Variants in PTPRD observed in about 807,000 individuals in gnomAD.
PTPRD encodes the protein receptor-type tyrosine-protein phosphatase delta.
In PTPRD, 34 loss-of-function variants were observed where a neutral mutation model predicts 214.5. The ratio of observed to expected loss-of-function variants is 0.16; its 90% CI spans 0.12 to 0.21. PTPRD has a LOEUF of 0.21. PTPRD is among the 10% of genes least tolerant of loss of function. PTPRD has a pLI of 1.00. For synonymous variants in PTPRD, 1,128 were observed against 845.7 expected (o/e 1.33, Z -5.79); for missense variants, 2,545 against 2,398.7 (o/e 1.06, Z -1.27).
intron 39 of PTPRD, among the ~76,000 whole-genome samples, chr9:8,344,298 T>C (rs1365089607): frequency 4.6e-5 from 7 of 152,056 alleles, no homozygotes; most frequent in Admixed American, 4.6e-4. Flanking sequence ...TTCTAGATAA[T>C]GGCAGGACTA....
At chr9:9,890,717 T>C (rs1480717197) in intron 5 of PTPRD, among the ~76,000 whole-genome samples, 1 of 151,964 alleles carries the variant, frequency 6.6e-6, no homozygotes, top group African/African-American at 2.4e-5. Flanking sequence ...AGGAAGTTAC[T>C]GGTGCCATTT....
chr9:8,757,093 G>T (rs2094048169), intron 11 of PTPRD, among the ~76,000 whole-genome samples: 1 of 152,196 alleles, frequency 6.6e-6, no homozygotes, highest in South Asian at 2.1e-4. Context: ...AACAAGCCAA[G>T]ATCGTGCCAG....
intron 3 of PTPRD, among the ~76,000 whole-genome samples, chr9:10,159,738 TAGTAAC>T (rs1183627360): frequency 1.3e-5 from 2 of 151,812 alleles, no homozygotes; most frequent in African/African-American, 4.8e-5. Context: ...TAGAGGCTCT[TAGTAAC>T]AGAATGGATC....
In PTPRD at chr9:8,997,567, T is replaced by C. The variant is rs2154352504; in HGVS notation, c.-104+21130A>G. On this transcript the variant is annotated intron_variant, in intron 11 of 45. Coordinates refer to ENST00000381196, the MANE Select transcript of PTPRD (RefSeq NM_002839.4). ...TCCACCAACCGGCCATTCTCCCATC[T>C]CTCTGCCTCTTCTTGCACCTCCCTG... 2.0e-5 allele frequency among the ~76,000 whole-genome samples: 3 copies of C among 152,146 alleles called. 1 individual carries two copies. In the South Asian group the frequency reaches 6.2e-4, roughly 32 times the overall value.
At chr9:9,262,324 G>A (rs568307714) in intron 9 of PTPRD, among the ~76,000 whole-genome samples, 1 of 149,994 alleles carries the variant, frequency 6.7e-6, no homozygotes, top group South Asian at 2.1e-4. Context: ...ATTTAATCTG[G>A]TATGCTAAAA....
chr9:9,947,187 A>G (rs572168394), intron 4 of PTPRD, among the ~76,000 whole-genome samples: 2 of 146,196 alleles, frequency 1.4e-5, no homozygotes, highest in Non-Finnish European at 3.0e-5. Flanking sequence ...GTTCAGCTAT[A>G]CAGATACTCT....
intron 3 of PTPRD, among the ~76,000 whole-genome samples, chr9:10,171,562 T>C (rs1035909667): frequency 6.6e-6 from 1 of 152,198 alleles, no homozygotes. Flanking sequence ...TCTCGCTCTG[T>C]CTCCCAGCCT....
intron 3 of PTPRD, among the ~76,000 whole-genome samples, chr9:10,070,510 C>T (rs1385533332): frequency 1.3e-5 from 2 of 151,720 alleles, no homozygotes; most frequent in Non-Finnish European, 2.9e-5. Flanking sequence ...AGAAATGCTG[C>T]AACAGAAAGT....
chr9:9,527,901 C>A (rs545745318), intron 8 of PTPRD, among the ~76,000 whole-genome samples: 35 of 152,326 alleles, frequency 2.3e-4, no homozygotes, highest in African/African-American at 8.2e-4. Flanking sequence ...AAAGACTCTT[C>A]TGCCTTAAGC....
intron 2 of PTPRD, among the ~76,000 whole-genome samples, chr9:10,491,478 T>C (rs2040211911): frequency 6.6e-6 from 1 of 152,064 alleles, no homozygotes; most frequent in African/African-American, 2.4e-5. Flanking sequence ...AATATCAATA[T>C]GGAATCTTTA....
intron 5 of PTPRD, among the ~76,000 whole-genome samples, chr9:9,921,090 G>T (rs532218618): frequency 6.6e-6 from 1 of 152,072 alleles, no homozygotes; most frequent in South Asian, 2.1e-4. Context: ...GTTTATTTTT[G>T]ACTGCTTTTA....
intron 3 of PTPRD, among the ~76,000 whole-genome samples, chr9:10,224,782 G>C (rs141694631): frequency 5.9e-5 from 9 of 151,962 alleles, no homozygotes; most frequent in Non-Finnish European, 8.8e-5. Flanking sequence ...AGCCAACTCA[G>C]TATGAACACA....
At chr9:10,225,002 T>C (rs942162792) in intron 3 of PTPRD, among the ~76,000 whole-genome samples, 5 of 152,072 alleles carry the variant, frequency 3.3e-5, no homozygotes, top group Admixed American at 2.6e-4. Context: ...AGGCTGTTAA[T>C]AGTTAAGCTT....
chr9:9,228,666 G>C (rs1007824553), intron 9 of PTPRD, among the ~76,000 whole-genome samples: 4 of 151,994 alleles, frequency 2.6e-5, no homozygotes, highest in Admixed American at 2.6e-4. Context: ...TCCTGCATTT[G>C]TAAAATGAAT....
At chr9:10,380,245 G>A (rs1007843723) in intron 2 of PTPRD, among the ~76,000 whole-genome samples, 5 of 152,040 alleles carry the variant, frequency 3.3e-5, no homozygotes, top group East Asian at 1.9e-4. Flanking sequence ...AAAGGAAAAC[G>A]CTGTCTTTCC....
At chr9:9,233,475 C>G (rs974511274) in intron 9 of PTPRD, among the ~76,000 whole-genome samples, 1 of 152,168 alleles carries the variant, frequency 6.6e-6, no homozygotes, top group African/African-American at 2.4e-5. Context: ...ATCTCATGTT[C>G]TTACATTTCA....
At chr9:9,775,616 C>G (rs1245686851) in intron 5 of PTPRD, among the ~76,000 whole-genome samples, 2 of 152,128 alleles carry the variant, frequency 1.3e-5, no homozygotes, top group African/African-American at 4.8e-5. Context: ...TTCATCCAAT[C>G]TCCCTTTCAT....
chr9:10,141,095 T>C (rs2098981463), intron 3 of PTPRD, among the ~76,000 whole-genome samples: 1 of 152,252 alleles, frequency 6.6e-6, no homozygotes, highest in East Asian at 1.9e-4. Context: ...TGATGGGACG[T>C]ATCTCAAAAT....
At chr9:9,565,460 C>T (rs919011728) in intron 8 of PTPRD, among the ~76,000 whole-genome samples, 7 of 151,606 alleles carry the variant, frequency 4.6e-5, no homozygotes, top group African/African-American at 1.7e-4. Context: ...TATAAAAATC[C>T]TTTTTATTTT....
Sources: gnomAD v4.1 joint callset for allele counts (sites outside exome capture counted in the v4.1 genomes callset) on GRCh38, gnomAD v4.1.1 for gene constraint, MANE v1.5 for transcripts, NCBI Gene and HGNC (gene_info 2026-07-23, HGNC 2026-07-21) for gene names.